RUNDC3B: variants seen among roughly 807,000 people sequenced by gnomAD.
RUNDC3B encodes the protein RUN domain containing 3B.
A neutral mutation model predicts 58.4 loss-of-function variants in RUNDC3B; 33 were observed. That is an observed-to-expected ratio of 0.56 (90% CI 0.43 to 0.75). The LOEUF (loss-of-function observed/expected upper bound fraction) is 0.75, where lower values mean the gene tolerates loss of function less well. Among genes scored for constraint, RUNDC3B ranks in the 30% least tolerant of loss-of-function variants. The pLI, the probability that RUNDC3B is intolerant of heterozygous loss-of-function variation, is 0.00. For synonymous variants in RUNDC3B, 193 were observed against 195.2 expected, an observed-to-expected ratio of 0.99 and a Z score of 0.10; for missense variants, 501 against 535.7, an observed-to-expected ratio of 0.94 and a Z score of 0.64.
intron 9 of RUNDC3B, among the ~76,000 whole-genome samples, chr7:87,808,311 T>G (rs1836543924): frequency 6.6e-6 from 1 of 151,990 alleles, no homozygotes; most frequent in South Asian, 2.1e-4. Context: ...TTTTGTTTCT[T>G]TCTCTACTCT....
chr7:87,658,832 G>C (rs1411633639), intron 2 of RUNDC3B, among the ~76,000 whole-genome samples: 1 of 152,112 alleles, frequency 6.6e-6, no homozygotes, highest in Non-Finnish European at 1.5e-5. Flanking sequence ...ATGTGTTGCC[G>C]GCAGACTTAC....
At chr7:87,741,796 G>C (rs1023458025) in intron 6 of RUNDC3B, among the ~76,000 whole-genome samples, 1 of 151,956 alleles carries the variant, frequency 6.6e-6, no homozygotes, top group Non-Finnish European at 1.5e-5. Context: ...TGTAATCCTA[G>C]CATCTAGTTT....
At chr7:87,693,677 A>G (rs1457219092) in intron 2 of RUNDC3B, among the ~76,000 whole-genome samples, 1 of 152,202 alleles carries the variant, frequency 6.6e-6, no homozygotes, top group Non-Finnish European at 1.5e-5. Context: ...TGACTTACAG[A>G]CACCTTAGCC....
chr7:87,785,285 C>T (rs1274076256), intron 8 of RUNDC3B, among the ~76,000 whole-genome samples: 1 of 152,018 alleles, frequency 6.6e-6, no homozygotes, highest in African/African-American at 2.4e-5. Flanking sequence ...GGTCAACAGA[C>T]TGAACCCTTC....
chr7:87,670,670 A>G (rs1825736662), intron 2 of RUNDC3B, among the ~76,000 whole-genome samples: 1 of 152,208 alleles, frequency 6.6e-6, no homozygotes, highest in African/African-American at 2.4e-5. Context: ...TGTTTTCACC[A>G]GGCCAAGGCT....
intron 10 of RUNDC3B, 64 bp from the exon 11 acceptor site, chr7:87,829,821 A>G (rs1429248874): frequency 1.0e-5 from 12 of 1,194,206 alleles, no homozygotes; most frequent in Non-Finnish European, 1.4e-5. Flanking sequence ...TAATGGTTTT[A>G]GGATCTTATT....
intron 6 of RUNDC3B, among the ~76,000 whole-genome samples, chr7:87,750,770 T>C (rs1832930456): frequency 1.3e-5 from 2 of 151,206 alleles, no homozygotes; most frequent in South Asian, 2.1e-4. Flanking sequence ...TTGTAGATTC[T>C]GGATATTAGC....
At chr7:87,804,944 T>C (rs1222320431) in intron 8 of RUNDC3B, among the ~76,000 whole-genome samples, 1 of 152,290 alleles carries the variant, frequency 6.6e-6, no homozygotes. Flanking sequence ...ATTAACTGGG[T>C]ATATTTCACT....
intron 3 of RUNDC3B, among the ~76,000 whole-genome samples, chr7:87,702,202 T>A (rs547913204): frequency 4.2e-4 from 63 of 151,358 alleles, no homozygotes; most frequent in African/African-American, 1.3e-3. Context: ...AATTTTTTTT[T>A]AGGAAAAATA....
intron 2 of RUNDC3B, among the ~76,000 whole-genome samples, chr7:87,678,453 A>G (rs1301494810): frequency 6.6e-6 from 1 of 152,232 alleles, no homozygotes; most frequent in Admixed American, 6.5e-5. Flanking sequence ...TAGTGACTAT[A>G]AAGATACTAA....
chr7:87,635,040 T>C (rs1821624248), intron 1 of RUNDC3B, among the ~76,000 whole-genome samples: 1 of 152,186 alleles, frequency 6.6e-6, no homozygotes, highest in Admixed American at 6.5e-5. Context: ...CCCCAGTCCT[T>C]TACTAGGGGG....
intron 3 of RUNDC3B, among the ~76,000 whole-genome samples, chr7:87,704,017 C>A (rs538630812): frequency 7.1e-6 from 1 of 141,066 alleles, no homozygotes. Context: ...ACCTCCCAGG[C>A]TCAAGCAATT....
chr7:87,747,402 G>A (rs761481089), intron 6 of RUNDC3B, among the ~76,000 whole-genome samples: 11 of 152,290 alleles, frequency 7.2e-5, no homozygotes, highest in Middle Eastern at 3.4e-3. Flanking sequence ...GGTTGCAATG[G>A]ACTCTGTGAG....
At chr7:87,802,759 C>T (rs940820284) in intron 8 of RUNDC3B, among the ~76,000 whole-genome samples, 1 of 152,106 alleles carries the variant, frequency 6.6e-6, no homozygotes, top group African/African-American at 2.4e-5. Context: ...AATCCCAGCA[C>T]TTTAGGAGGC....
intron 4 of RUNDC3B, among the ~76,000 whole-genome samples, chr7:87,729,251 A>G (rs1272221662): frequency 6.6e-6 from 1 of 152,170 alleles, no homozygotes; most frequent in Non-Finnish European, 1.5e-5. Context: ...AACAAAAAAA[A>G]ACACCTCCAG....
At chr7:87,709,409 C>A (rs1348247661) in intron 3 of RUNDC3B, 1 of 985,374 alleles carries the variant, frequency 1.0e-6, no homozygotes, top group African/African-American at 1.7e-5. Flanking sequence ...CTTCCTTCCT[C>A]TGTTCCAATC....
chr7:87,697,416 A>G (rs994574541), intron 2 of RUNDC3B, among the ~76,000 whole-genome samples: 3 of 152,206 alleles, frequency 2.0e-5, no homozygotes, highest in African/African-American at 7.2e-5. Flanking sequence ...TTTTGAAATT[A>G]TAGAATGATC....
intron 2 of RUNDC3B, among the ~76,000 whole-genome samples, chr7:87,680,401 C>A (rs1241411510): frequency 6.6e-6 from 1 of 150,714 alleles, no homozygotes; most frequent in Non-Finnish European, 1.5e-5. Flanking sequence ...AAATGTGTAG[C>A]ATGCAATTAA....
chr7:87,694,097 TTTG>T, intron 2 of RUNDC3B: 1 of 1,481,354 alleles, frequency 6.8e-7, no homozygotes, highest in Non-Finnish European at 8.9e-7. Flanking sequence ...TTTGTGTGTT[TTTG>T]TTTTTTTTTT....
Sources: allele counts gnomAD v4.1 joint callset (sites outside exome capture counted in the v4.1 genomes callset), GRCh38; gene constraint gnomAD v4.1.1; transcripts MANE v1.5; gene names NCBI Gene and HGNC (gene_info 2026-07-23, HGNC 2026-07-21).